Variants in COPS4 observed in about 807,000 individuals in gnomAD.
COPS4 encodes the protein COP9 signalosome subunit 4, also known as COP9 signalosome complex subunit 4.
A neutral mutation model predicts 55.1 loss-of-function variants in COPS4; 8 were observed. That is an observed-to-expected ratio of 0.15 (90% confidence interval 0.09 to 0.26). The LOEUF (loss-of-function observed/expected upper bound fraction) is 0.26. COPS4 is among the 10% of genes least tolerant of loss of function. COPS4 has a pLI of 1.00. For missense variants in COPS4, 248 were observed against 484.0 expected, an observed-to-expected ratio of 0.51 and a Z score of 4.58; for synonymous variants, 185 against 165.7, an observed-to-expected ratio of 1.12 and a Z score of -0.90.
At chr4:83,037,009 A>C (rs1252610162) in intron 1 of COPS4, among the ~76,000 whole-genome samples, 2 of 152,182 alleles carry the variant, frequency 1.3e-5, no homozygotes, top group Non-Finnish European at 2.9e-5. Context: ...AACCAGTGTA[A>C]AACAACTATG....
intron 4 of COPS4, among the ~76,000 whole-genome samples, chr4:83,055,925 TC>T (rs1321746505): frequency 8.7e-6 from 1 of 114,292 alleles, no homozygotes; most frequent in Admixed American, 1.3e-4. Flanking sequence ...TTCTTTTTTT[TC>T]TTTTTCTTTT....
rs565161910 is a variant in COPS4, at chr4:83,061,210, T to C, written c.716-1866T>C. 9.2e-5 allele frequency among the ~76,000 whole-genome samples: 14 copies of C among 152,190 alleles called. No homozygotes were observed. In the South Asian group the frequency reaches 2.9e-3, roughly 32 times the overall value. Reference sequence around the variant, plus strand: ...TTTTTCTGCATATTTTCTGTTGGTATGATATGTACACAGGAAAAGTACACA... The same window carrying C: ...TTTTTCTGCATATTTTCTGTTGGTACGATATGTACACAGGAAAAGTACACA... On this transcript the variant is annotated intron_variant, in intron 6 of 9. Transcript: ENST00000264389.
At chr4:83,067,474 T>C (rs1731317636) in intron 8 of COPS4, among the ~76,000 whole-genome samples, 1 of 150,728 alleles carries the variant, frequency 6.6e-6, no homozygotes, top group Non-Finnish European at 1.5e-5. Flanking sequence ...TCCACCTGCC[T>C]CAGACTCCCA....
intron 1 of COPS4, among the ~76,000 whole-genome samples, chr4:83,039,852 G>T (rs922679995): frequency 1.7e-4 from 26 of 152,122 alleles, no homozygotes; most frequent in Non-Finnish European, 3.4e-4. Flanking sequence ...GCCCAGGCAG[G>T]TCTCGAACTC....
chr4:83,042,734 C>T (rs1014138168), intron 1 of COPS4, among the ~76,000 whole-genome samples: 1 of 152,078 alleles, frequency 6.6e-6, no homozygotes, highest in South Asian at 2.1e-4. Flanking sequence ...TCCCAAGTAG[C>T]TGGCACCACA....
intron 1 of COPS4, 33 bp downstream of exon 1, chr4:83,035,331 G>A (rs1274535814): frequency 2.4e-5 from 36 of 1,487,930 alleles, no homozygotes; most frequent in Non-Finnish European, 3.2e-5. Flanking sequence ...GGAGTACAGA[G>A]GTGGGGAAAG....
chr4:83,061,789 TG>T (rs957810525), intron 6 of COPS4, among the ~76,000 whole-genome samples: 12 of 152,312 alleles, frequency 7.9e-5, no homozygotes, highest in Non-Finnish European at 1.6e-4. Context: ...CCCTCCATCT[TG>T]GTCTCTCAAA....
At chr4:83,065,257 C>A in intron 7 of COPS4, 1 of 426,288 alleles carries the variant, frequency 2.3e-6, no homozygotes, top group African/African-American at 2.0e-5. Context: ...CTGTGTAAGT[C>A]TGAATTCAAA....
chr4:83,036,782 A>G (rs371419430), intron 1 of COPS4, among the ~76,000 whole-genome samples: 2 of 143,324 alleles, frequency 1.4e-5, no homozygotes, highest in East Asian at 4.1e-4. Flanking sequence ...TATATGGATG[A>G]AAGTAAAATC....
intron 4 of COPS4, among the ~76,000 whole-genome samples, chr4:83,055,941 T>G (rs1171295807): frequency 6.6e-6 from 1 of 150,570 alleles, no homozygotes; most frequent in East Asian, 1.9e-4. Flanking sequence ...TCTTTTTTTT[T>G]TTTTTGAGAC....
At chr4:83,041,148 C>A (rs565229327) in intron 1 of COPS4, among the ~76,000 whole-genome samples, 3 of 151,228 alleles carry the variant, frequency 2.0e-5, no homozygotes, top group Middle Eastern at 3.4e-3. Flanking sequence ...CTGCAATCTC[C>A]ACCTCCCGGG....
chr4:83,041,786 T>C (rs565546641), intron 1 of COPS4, among the ~76,000 whole-genome samples: 2 of 152,020 alleles, frequency 1.3e-5, no homozygotes, highest in South Asian at 4.1e-4. Flanking sequence ...TTTGAGTTAA[T>C]ATATTACCTC....
At chr4:83,056,149 C>G (rs557538283) in intron 4 of COPS4, among the ~76,000 whole-genome samples, 1 of 152,160 alleles carries the variant, frequency 6.6e-6, no homozygotes, top group East Asian at 1.9e-4. Context: ...TCAGGGTGGT[C>G]TTGAACTCCT....
At chr4:83,046,278 A>G (rs1730712461) in intron 2 of COPS4, among the ~76,000 whole-genome samples, 1 of 152,220 alleles carries the variant, frequency 6.6e-6, no homozygotes, top group Non-Finnish European at 1.5e-5. Context: ...AAAAGTAAAA[A>G]AATAACAAAT....
intron 2 of COPS4, among the ~76,000 whole-genome samples, chr4:83,048,617 G>C (rs1730779374): frequency 6.6e-6 from 1 of 151,802 alleles, no homozygotes; most frequent in Non-Finnish European, 1.5e-5. Flanking sequence ...TATTTTTACT[G>C]TTTTTTAAGA....
chr4:83,066,394 A>G (rs745554419), intron 7 of COPS4, 44 bp from the exon 8 acceptor site: 36 of 991,570 alleles, frequency 3.6e-5, no homozygotes, highest in Non-Finnish European at 5.3e-5. Flanking sequence ...TTTTTAGAGT[A>G]TAAAACTAGT....
intron 7 of COPS4, 76 bp downstream of exon 7, chr4:83,063,322 GT>G: frequency 4.1e-6 from 4 of 967,266 alleles, no homozygotes; most frequent in Non-Finnish European, 6.0e-6. Context: ...TAAATTAGAA[GT>G]ATCTTTTAAT....
rs750946874 is a variant in COPS4 at position 83,075,477 on chromosome 4, C to G, written c.*47C>G. 2.1e-5 allele frequency: 33 copies of G among 1,607,592 alleles called. No homozygotes were observed. The highest frequency in any genetic ancestry group is 6.8e-5 in the Admixed American group (4 of 59,212). On this transcript the variant is annotated 3_prime_UTR_variant, in exon 10 of 10. Transcript: ENST00000264389. ...ACATGACATCTTTTTCCATGTTGTG[C>G]AGATCAGTTTCACTATCTCCAAAGC...
In COPS4 at chr4:83,049,188, C is replaced by G; in HGVS notation, c.177C>G (p.Leu59=). The part of the protein sequence containing the change: ...VEAMVNENVS[L]VISRQLLTDF... ...AAGTGGTAAATGAGAATGTCAGTCT[C>G]GTGATCTCGCGGCAGTTGCTGACTG... The change falls in exon 3 of 10, where the codon CTC becomes CTG. Residue 59 remains leucine (L), a synonymous_variant. Coordinates refer to ENST00000264389, the MANE Select transcript of COPS4 (RefSeq NM_016129.3). The G allele has an allele frequency of 6.2e-7, 1 of 1,602,368 alleles. No homozygotes were observed. The highest frequency in any genetic ancestry group is 8.5e-7 in the Non-Finnish European group (1 of 1,176,770).
Sources: gnomAD v4.1 joint callset for allele counts (sites outside exome capture counted in the v4.1 genomes callset) on GRCh38, gnomAD v4.1.1 for gene constraint, MANE v1.5 for transcripts, NCBI Gene and HGNC (gene_info 2026-07-23, HGNC 2026-07-21) for gene names.